The following STRN variants were observed in gnomAD, a reference collection of about 807,000 sequenced individuals.
STRN encodes the protein protein phosphatase 2 regulatory subunit B'''alpha.
A neutral mutation model predicts 96.3 loss-of-function variants in STRN; 53 were observed. The ratio of observed to expected loss-of-function variants is 0.55; its 90% CI spans 0.44 to 0.69. The LOEUF (loss-of-function observed/expected upper bound fraction) is 0.69, where lower values mean the gene tolerates loss of function less well. Ranked by LOEUF, STRN falls within the 30% of genes least tolerant of loss-of-function variation. STRN has a pLI of 0.00. For missense variants in STRN, 987 were observed against 963.9 expected, an observed-to-expected ratio of 1.02 and a Z score of -0.32; for synonymous variants, 428 against 355.9, an observed-to-expected ratio of 1.20 and a Z score of -2.28.
intron 12 of STRN, among the ~76,000 whole-genome samples, chr2:36,865,543 G>T (rs1327431698): frequency 6.6e-6 from 1 of 151,898 alleles, no homozygotes; most frequent in African/African-American, 2.4e-5. Flanking sequence ...TCTTGTGTGT[G>T]ATGTTAAGTT....
chr2:36,885,636 G>T lies in STRN; in HGVS notation c.1042+1080C>A, dbSNP rs115520478. 6.1e-3 allele frequency among the ~76,000 whole-genome samples: 934 copies of T among 152,030 alleles called. 9 individuals carry two copies. Among genetic ancestry groups the T allele is most frequent in the African/African-American group, 0.02 (839 of 41,498 alleles). Reference sequence around the variant, plus strand: ...GACTTTTTATCAAATCAAGCTAAACGCTTGTAATTTCTAAAATATTTTAAA... The same window carrying T: ...GACTTTTTATCAAATCAAGCTAAACTCTTGTAATTTCTAAAATATTTTAAA... On this transcript the variant is annotated intron_variant, in intron 8 of 17. Transcript: ENST00000263918.
At chr2:36,943,467 T>C (rs1455421575) in intron 1 of STRN, among the ~76,000 whole-genome samples, 1 of 152,086 alleles carries the variant, frequency 6.6e-6, no homozygotes, top group Non-Finnish European at 1.5e-5. Flanking sequence ...AAGTATTATA[T>C]TTATTAAATC....
rs1668122363 is a variant in STRN at position 36,847,982 on chromosome 2, T to C, written c.*1474A>G. 1 of 152,242 alleles carries C rather than the reference T, an allele frequency of 6.6e-6. No individual in the cohort carries two copies. The allele number at this position is 152,242 out of a possible 1,614,324, so 9.4% of individuals were successfully genotyped here. On this transcript the variant is annotated 3_prime_UTR_variant, in exon 18 of 18. Coordinates refer to ENST00000263918, the MANE Select transcript of STRN (RefSeq NM_003162.4). ...TAATAATTTATTTCCAATTTCTAGA[T>C]TGGTCTCTGTCATTTGGGACAAAGA... is the stretch of plus-strand genomic sequence containing the variant.
intron 4 of STRN, among the ~76,000 whole-genome samples, chr2:36,904,373 G>A (rs1297688820): frequency 6.6e-6 from 1 of 152,154 alleles, no homozygotes; most frequent in African/African-American, 2.4e-5. Flanking sequence ...AAACCAGGTA[G>A]TACATTTCAT....
chr2:36,869,361 A>G (rs540296321), intron 11 of STRN, among the ~76,000 whole-genome samples, 193 bp downstream of exon 11: 5 of 152,330 alleles, frequency 3.3e-5, no homozygotes, highest in East Asian at 1.9e-4. Flanking sequence ...AGATAATACC[A>G]TATCTTCCTA....
At chr2:36,869,773 G>A in intron 10 of STRN, 44 bp from the exon 11 acceptor site, 7 of 1,411,520 alleles carry the variant, frequency 5.0e-6, no homozygotes, top group Non-Finnish European at 6.5e-6. Context: ...CTTAGTTAAG[G>A]ATAGGGGAAA....
intron 15 of STRN, 29 bp downstream of exon 15, chr2:36,855,181 AAC>A (rs757412140): frequency 3.3e-4 from 526 of 1,604,526 alleles, no homozygotes; most frequent in Non-Finnish European, 2.7e-4. Context: ...TAAAAAAATA[AAC>A]ACAGACAATT....
chr2:36,898,196 C>G (rs1289283891), intron 6 of STRN, among the ~76,000 whole-genome samples: 1 of 152,172 alleles, frequency 6.6e-6, no homozygotes, highest in African/African-American at 2.4e-5. Context: ...TAATACTGAG[C>G]TATGAATAAA....
chr2:36,855,074 T>G, intron 15 of STRN, 138 bp downstream of exon 15: 1 of 891,248 alleles, frequency 1.1e-6, no homozygotes, highest in Non-Finnish European at 1.7e-6. Flanking sequence ...AATTACAACC[T>G]TCTAAGTAAC....
chr2:36,920,804 C>A (rs1219715719), intron 2 of STRN, among the ~76,000 whole-genome samples: 1 of 152,016 alleles, frequency 6.6e-6, no homozygotes, highest in Non-Finnish European at 1.5e-5. Flanking sequence ...CTGCCAGGCG[C>A]GGTGGCTCAC....
chr2:36,872,770 T>C (rs929402638), intron 10 of STRN, among the ~76,000 whole-genome samples: 2 of 152,140 alleles, frequency 1.3e-5, no homozygotes, highest in African/African-American at 2.4e-5. Flanking sequence ...AAGTATCTAA[T>C]GGGAACTTCT....
chr2:36,923,714 T>C (rs1009384569), intron 2 of STRN, among the ~76,000 whole-genome samples: 6 of 152,286 alleles, frequency 3.9e-5, no homozygotes, highest in Non-Finnish European at 8.8e-5. Flanking sequence ...CTAAATGCTA[T>C]TTTATTGCAA....
At chr2:36,883,601 T>C (rs1264677017) in intron 9 of STRN, among the ~76,000 whole-genome samples, 1 of 152,244 alleles carries the variant, frequency 6.6e-6, no homozygotes, top group Non-Finnish European at 1.5e-5. Context: ...TATATGAGTT[T>C]CAAAGTAAAC....
In STRN at chr2:36,920,419, A is replaced by G. The variant is rs193076075; in HGVS notation, c.339-4268T>C. On this transcript the variant is annotated intron_variant, in intron 2 of 17. Transcript: ENST00000263918. ...TTTGGGAGGCCGAGGTGGGCAGATC[A>G]CCTGAGGTTGGGAGTTCGAAACCAG... Among the ~76,000 whole-genome samples, 391 of 152,148 alleles carry G rather than the reference A, an allele frequency of 2.6e-3. 2 individuals carry two copies. Among genetic ancestry groups the G allele is most frequent in the Non-Finnish European group, 4.4e-3 (299 of 67,990 alleles).
intron 1 of STRN, among the ~76,000 whole-genome samples, chr2:36,926,293 A>C (rs1041496193): frequency 2.0e-5 from 3 of 152,216 alleles, no homozygotes; most frequent in African/African-American, 7.2e-5. Flanking sequence ...ACTATGTCAC[A>C]AACACTAACT....
Position 36,876,262 on chromosome 2 carries a change from C to A in STRN, c.1323+1629G>T, listed in dbSNP as rs111749852. Among the ~76,000 whole-genome samples, 3 of 120,998 alleles carry A rather than the reference C, an allele frequency of 2.5e-5. No individual in the cohort carries two copies. In the South Asian group the frequency reaches 9.7e-4, roughly 39 times the overall value. 79.4% of individuals were successfully genotyped at this position (120,998 alleles called of 152,430 possible). ...CTCCAGCCTGGGTGACCGAGTGAGA[C>A]CCTGCCTTAAAAAAAAAAAAAAATT... On this transcript the variant is annotated intron_variant, in intron 10 of 17. Coordinates refer to ENST00000263918, the MANE Select transcript of STRN (RefSeq NM_003162.4).
chr2:36,954,741 A>C (rs920609755), intron 1 of STRN, among the ~76,000 whole-genome samples: 66 of 151,080 alleles, frequency 4.4e-4, no homozygotes, highest in Non-Finnish European at 4.4e-4. Context: ...GGTTCAAGCG[A>C]TTCTCCCTGC....
At position 36,847,495 on chromosome 2, in the gene STRN, G is replaced by C. The variant is rs1295309021; in HGVS notation, c.*1961C>G. On this transcript the variant is annotated 3_prime_UTR_variant, in exon 18 of 18. Coordinates refer to ENST00000263918, the MANE Select transcript of STRN (RefSeq NM_003162.4). ...AAAGAAATTTACTGAACACAATATG[G>C]AATTCTGTATCTGCATGGAAATATT... 1 of 152,038 alleles carries C rather than the reference G, an allele frequency of 6.6e-6. No individual in the cohort carries two copies. Among genetic ancestry groups the C allele is most frequent in the Non-Finnish European group, 1.5e-5 (1 of 67,990 alleles). 9.4% of individuals were successfully genotyped at this position (152,038 alleles called of 1,614,324 possible).
intron 7 of STRN, among the ~76,000 whole-genome samples, chr2:36,890,501 T>G (rs893062955): frequency 1.6e-4 from 24 of 145,998 alleles, no homozygotes; most frequent in Middle Eastern, 7.2e-3. Flanking sequence ...TTTTTTTTTT[T>G]GAGACAGAGT....
Sources: allele counts gnomAD v4.1 joint callset (sites outside exome capture counted in the v4.1 genomes callset), GRCh38; gene constraint gnomAD v4.1.1; transcripts MANE v1.5; gene names NCBI Gene and HGNC (gene_info 2026-07-23, HGNC 2026-07-21).